GPC5: variants seen among roughly 807,000 people sequenced by gnomAD.
GPC5 encodes glypican-5.
In GPC5, 47 loss-of-function variants were observed where a neutral mutation model predicts 53.9. That is an observed-to-expected ratio of 0.87 (90% CI 0.69 to 1.11). GPC5 has a LOEUF of 1.11. Among genes scored for constraint, GPC5 ranks in the 50% most tolerant of loss-of-function variants. The probability of loss-of-function intolerance (pLI) is 0.00; values close to 1 mark genes in which losing one functional copy is unlikely to be tolerated. For missense variants in GPC5, 748 were observed against 713.1 expected, an observed-to-expected ratio of 1.05 and a Z score of -0.56; for synonymous variants, 286 against 263.3, an observed-to-expected ratio of 1.09 and a Z score of -0.84.
intron 7 of GPC5, among the ~76,000 whole-genome samples, chr13:92,451,485 TA>T (rs71272293): frequency 2.4e-4 from 36 of 147,932 alleles, no homozygotes; most frequent in African/African-American, 6.2e-4. Context: ...TTCAACAGAT[TA>T]AAAAAAAAAC....
intron 6 of GPC5, among the ~76,000 whole-genome samples, chr13:91,912,190 C>A (rs559125959): frequency 6.6e-6 from 1 of 152,190 alleles, no homozygotes; most frequent in East Asian, 1.9e-4. Flanking sequence ...GTATTGGGCA[C>A]CTTGTATATA....
At chr13:92,382,221 A>G (rs1184164084) in intron 7 of GPC5, among the ~76,000 whole-genome samples, 1 of 151,926 alleles carries the variant, frequency 6.6e-6, no homozygotes, top group African/African-American at 2.4e-5. Context: ...TGGGGGGAAG[A>G]GTGGGAGGGT....
chr13:91,990,987 A>G (rs2040451197), intron 6 of GPC5, among the ~76,000 whole-genome samples: 1 of 152,170 alleles, frequency 6.6e-6, no homozygotes, highest in South Asian at 2.1e-4. Flanking sequence ...CTGTAGAGCT[A>G]TGGTTATTAA....
In GPC5 at chr13:91,891,285, T is replaced by G. The variant is rs1301360626; in HGVS notation, c.1281-16652T>G. ...AAAAACCTCTTGAGCCTAGGAAGCT[T>G]CGCCAAGGCAGATTTTATGTGCTGT... On this transcript the variant is annotated intron_variant, in intron 5 of 7. Transcript: ENST00000377067. 2.0e-5 allele frequency among the ~76,000 whole-genome samples: 3 copies of G among 152,188 alleles called. No individual in the cohort carries two copies. The East Asian group carries it at 5.8e-4, about 29-fold the overall frequency.
At chr13:92,365,109 C>T (rs1038455557) in intron 7 of GPC5, among the ~76,000 whole-genome samples, 9 of 151,670 alleles carry the variant, frequency 5.9e-5, no homozygotes, top group Non-Finnish European at 8.8e-5. Flanking sequence ...CAGTGTTAGG[C>T]GGTTTTGTCA....
At chr13:91,821,311 T>C (rs1171068747) in intron 5 of GPC5, among the ~76,000 whole-genome samples, 1 of 152,216 alleles carries the variant, frequency 6.6e-6, no homozygotes, top group African/African-American at 2.4e-5. Flanking sequence ...AATACATATG[T>C]CAAGTTTATA....
At chr13:91,608,095 A>G (rs976408431) in intron 2 of GPC5, among the ~76,000 whole-genome samples, 45 of 152,162 alleles carry the variant, frequency 3.0e-4, no homozygotes, top group Non-Finnish European at 5.7e-4. Flanking sequence ...TTTCCCCAAG[A>G]AATAATAAAC....
intron 7 of GPC5, among the ~76,000 whole-genome samples, chr13:92,175,100 G>A (rs538096903): frequency 5.0e-4 from 76 of 152,290 alleles, no homozygotes; most frequent in African/African-American, 1.8e-3. Flanking sequence ...TGATCAACCC[G>A]CCTTGGCCAC....
intron 5 of GPC5, among the ~76,000 whole-genome samples, chr13:91,886,127 T>C (rs2039319411): frequency 6.6e-6 from 1 of 152,130 alleles, no homozygotes; most frequent in Admixed American, 6.6e-5. Context: ...AATGGACTCC[T>C]AGTTCCACAT....
intron 7 of GPC5, among the ~76,000 whole-genome samples, chr13:92,178,924 T>A (rs532817844): frequency 1.3e-5 from 2 of 152,216 alleles, no homozygotes; most frequent in East Asian, 3.9e-4. Flanking sequence ...TGAGCCAAGA[T>A]TGCACCTCTG....
chr13:92,109,174 T>G (rs917485673), intron 6 of GPC5, among the ~76,000 whole-genome samples: 3 of 145,634 alleles, frequency 2.1e-5, no homozygotes, highest in Admixed American at 7.1e-5. Context: ...TCAGGCAAAC[T>G]TCCCATCTCA....
In GPC5 at chr13:91,435,383, T is replaced by G. The variant is rs545753465; in HGVS notation, c.164-13378T>G. Among the ~76,000 whole-genome samples, 337 of 152,222 alleles carry G rather than the reference T, an allele frequency of 2.2e-3. 2 individuals carry two copies. The highest frequency in any genetic ancestry group is 4.2e-3 in the Non-Finnish European group (287 of 68,008). ...CCATCAATACCTAATTTATTGAGAGTTTTTAGCATGAAGGGTTGTTGAATT... is the reference window on the plus strand; with the variant it reads ...CCATCAATACCTAATTTATTGAGAGGTTTTAGCATGAAGGGTTGTTGAATT... On this transcript the variant is annotated intron_variant, in intron 1 of 7. Transcript: ENST00000377067.
chr13:92,363,659 C>T (rs557169807), intron 7 of GPC5, among the ~76,000 whole-genome samples: 7 of 151,636 alleles, frequency 4.6e-5, no homozygotes, highest in African/African-American at 1.2e-4. Context: ...GACCCATACC[C>T]TAGACAAAAG....
At chr13:92,033,188 A>G (rs2040867665) in intron 6 of GPC5, among the ~76,000 whole-genome samples, 1 of 152,158 alleles carries the variant, frequency 6.6e-6, no homozygotes, top group Non-Finnish European at 1.5e-5. Flanking sequence ...TTGAGTAAAT[A>G]GAGTATTTGA....
intron 7 of GPC5, among the ~76,000 whole-genome samples, chr13:92,833,772 G>T (rs536957526): frequency 8.1e-4 from 124 of 152,318 alleles, no homozygotes; most frequent in African/African-American, 2.7e-3. Context: ...GGTAAAAGAT[G>T]AGAGAGGGAA....
intron 6 of GPC5, among the ~76,000 whole-genome samples, chr13:92,004,236 A>C (rs776761084): frequency 7.8e-4 from 119 of 151,650 alleles, no homozygotes; most frequent in Non-Finnish European, 1.6e-3. Flanking sequence ...CACAAGGTCA[A>C]GAGATGGAGA....
intron 5 of GPC5, among the ~76,000 whole-genome samples, chr13:91,866,369 G>A (rs1396414110): frequency 6.6e-6 from 1 of 152,208 alleles, no homozygotes; most frequent in African/African-American, 2.4e-5. Flanking sequence ...ATGTTGAAAT[G>A]TGACTTCCAG....
intron 7 of GPC5, among the ~76,000 whole-genome samples, chr13:92,509,302 A>C (rs931114844): frequency 6.6e-6 from 1 of 151,924 alleles, no homozygotes; most frequent in Admixed American, 6.6e-5. Flanking sequence ...CATTGCTTTT[A>C]ATTATCTCTG....
chr13:92,426,310 C>T (rs1876831960), intron 7 of GPC5, among the ~76,000 whole-genome samples: 1 of 152,012 alleles, frequency 6.6e-6, no homozygotes, highest in Admixed American at 6.6e-5. Flanking sequence ...TCATTCTTAC[C>T]CTTTCTACAG....
Sources: allele counts gnomAD v4.1 joint callset (sites outside exome capture counted in the v4.1 genomes callset), GRCh38; gene constraint gnomAD v4.1.1; transcripts MANE v1.5; gene names NCBI Gene and HGNC (gene_info 2026-07-23, HGNC 2026-07-21).